NAALADL2: variants seen among roughly 807,000 people sequenced by gnomAD.
The protein encoded by NAALADL2 is N-acetylated alpha-linked acidic dipeptidase like 2.
Under a neutral mutation model 87.2 loss-of-function variants are expected in NAALADL2, and 76 were observed. That is an observed-to-expected ratio of 0.87 (90% CI 0.72 to 1.05). The LOEUF (loss-of-function observed/expected upper bound fraction) is 1.05, where lower values mean the gene tolerates loss of function less well. Among genes scored for constraint, NAALADL2 ranks in the 50% least tolerant of loss-of-function variants. The pLI is 0.00. For synonymous variants in NAALADL2, 354 were observed against 331.0 expected, an observed-to-expected ratio of 1.07 and a Z score of -0.75; for missense variants, 1,089 against 945.8, an observed-to-expected ratio of 1.15 and a Z score of -1.99.
At chr3:175,396,305 A>G (rs1269404533) in intron 5 of NAALADL2, among the ~76,000 whole-genome samples, 1 of 149,024 alleles carries the variant, frequency 6.7e-6, no homozygotes, top group Non-Finnish European at 1.5e-5. Flanking sequence ...GCCATCTTTC[A>G]GTACTGATTT....
chr3:174,989,020 A>G (rs1317518622), intron 1 of NAALADL2, among the ~76,000 whole-genome samples: 2 of 152,204 alleles, frequency 1.3e-5, no homozygotes, highest in Non-Finnish European at 2.9e-5. Context: ...GTGAAGAGGA[A>G]CTGATGTGTA....
intron 2 of NAALADL2, among the ~76,000 whole-genome samples, chr3:175,142,296 G>T (rs750846192): frequency 1.8e-4 from 28 of 151,840 alleles, no homozygotes; most frequent in African/African-American, 6.8e-4. Context: ...GATTAATTTC[G>T]TTTATAATTA....
intron 1 of NAALADL2, among the ~76,000 whole-genome samples, chr3:174,972,050 T>C (rs1743754148): frequency 6.6e-6 from 1 of 152,088 alleles, no homozygotes; most frequent in Non-Finnish European, 1.5e-5. Flanking sequence ...TCAGCCTCTT[T>C]ATCCTGCCCA....
intron 2 of NAALADL2, among the ~76,000 whole-genome samples, chr3:174,625,057 C>CTCTCTTTTTTTTTTTTTTT (rs748895219): frequency 2.5e-5 from 2 of 78,846 alleles, no homozygotes; most frequent in Non-Finnish European, 4.4e-5. Flanking sequence ...CTCTCTCTCT[C>CTCTCTTTTTTTTTTTTTTT]TTTTTTTTTT....
chr3:175,767,805 C>A (rs1280775756), intron 13 of NAALADL2: 1 of 152,082 alleles, frequency 6.6e-6, no homozygotes, highest in Non-Finnish European at 1.5e-5. Flanking sequence ...AGTTCTCAGG[C>A]AGGCAACTTC....
intron 3 of NAALADL2, among the ~76,000 whole-genome samples, chr3:174,756,813 C>T (rs1712146558): frequency 6.6e-6 from 1 of 152,218 alleles, no homozygotes; most frequent in Admixed American, 6.5e-5. Flanking sequence ...TCTGGCTTCT[C>T]ATATCTTCTG....
intron 5 of NAALADL2, among the ~76,000 whole-genome samples, chr3:175,348,781 A>G (rs1276792616): frequency 1.3e-5 from 2 of 152,156 alleles, no homozygotes; most frequent in Non-Finnish European, 2.9e-5. Context: ...TCTTTTTCTT[A>G]AGAGGGCCAC....
At chr3:174,731,529 A>G (rs1732705832) in intron 2 of NAALADL2, among the ~76,000 whole-genome samples, 1 of 152,148 alleles carries the variant, frequency 6.6e-6, no homozygotes, top group African/African-American at 2.4e-5. Flanking sequence ...AATATCTTTA[A>G]AGAAAATGGA....
intron 10 of NAALADL2, among the ~76,000 whole-genome samples, chr3:175,578,556 A>G (rs1021481962): frequency 6.6e-6 from 1 of 152,186 alleles, no homozygotes; most frequent in Non-Finnish European, 1.5e-5. Flanking sequence ...TTAAAACATC[A>G]CTATAAATTA....
chr3:175,129,685 T>C (rs577911081), intron 2 of NAALADL2, among the ~76,000 whole-genome samples: 3 of 152,328 alleles, frequency 2.0e-5, no homozygotes, highest in African/African-American at 7.2e-5. Flanking sequence ...CACATGTATA[T>C]GTATATATCT....
chr3:175,142,756 T>A (rs1319943852), intron 2 of NAALADL2, among the ~76,000 whole-genome samples: 1 of 152,020 alleles, frequency 6.6e-6, no homozygotes, highest in Non-Finnish European at 1.5e-5. Flanking sequence ...TCTATAAGGA[T>A]GATAAATCTT....
intron 2 of NAALADL2, among the ~76,000 whole-genome samples, chr3:174,621,571 A>G (rs531031): frequency 0.65 from 97,691 of 151,372 alleles, 32,718 homozygotes; most frequent in East Asian, 0.86. Flanking sequence ...GTAATGAGGA[A>G]TTTGGTGGCA....
intron 3 of NAALADL2, among the ~76,000 whole-genome samples, chr3:174,739,033 T>C (rs186019277): frequency 3.9e-5 from 6 of 152,314 alleles, no homozygotes; most frequent in Admixed American, 2.6e-4. Flanking sequence ...GTATTTTCTT[T>C]TTATCAACAG....
chr3:175,552,808 T>A (rs922657998), intron 9 of NAALADL2, among the ~76,000 whole-genome samples: 1 of 152,152 alleles, frequency 6.6e-6, no homozygotes, highest in Admixed American at 6.5e-5. Flanking sequence ...AGTATATACC[T>A]ATGATATGCC....
At chr3:174,490,042 T>C (rs1046787203) in intron 1 of NAALADL2, among the ~76,000 whole-genome samples, 2 of 152,164 alleles carry the variant, frequency 1.3e-5, no homozygotes, top group South Asian at 2.1e-4. Context: ...TGATATTCCA[T>C]TGCTAGCTAT....
intron 1 of NAALADL2, among the ~76,000 whole-genome samples, chr3:174,935,694 C>G (rs1253237809): frequency 2.0e-5 from 3 of 152,056 alleles, no homozygotes; most frequent in African/African-American, 7.2e-5. Context: ...TTAAGGTTCT[C>G]TAATGAATGC....
chr3:175,012,222 TG>T (rs1749920961), intron 1 of NAALADL2, among the ~76,000 whole-genome samples: 1 of 152,178 alleles, frequency 6.6e-6, no homozygotes, highest in Non-Finnish European at 1.5e-5. Context: ...TGGAGTGCAA[TG>T]GCCCAGTCTG....
chr3:174,524,367 G>A (rs759926494), intron 1 of NAALADL2, among the ~76,000 whole-genome samples: 16 of 152,208 alleles, frequency 1.1e-4, no homozygotes, highest in Non-Finnish European at 1.9e-4. Flanking sequence ...GTGGGGTGGC[G>A]GGTGGATGTT....
intron 1 of NAALADL2, among the ~76,000 whole-genome samples, chr3:174,996,724 T>A (rs9844988): frequency 0.36 from 54,010 of 151,856 alleles, 14,407 homozygotes; most frequent in African/African-American, 0.75. Flanking sequence ...CTGAGATCTT[T>A]GTGCACCAGT....
Sources: gnomAD v4.1 joint callset for allele counts (sites outside exome capture counted in the v4.1 genomes callset) on GRCh38, gnomAD v4.1.1 for gene constraint, MANE v1.5 for transcripts, NCBI Gene and HGNC (gene_info 2026-07-23, HGNC 2026-07-21) for gene names.